DAB1: variants seen among roughly 807,000 people sequenced by gnomAD.
The protein encoded by DAB1 is disabled homolog 1.
A neutral mutation model predicts 64.6 loss-of-function variants in DAB1; 15 were observed. That is an observed-to-expected ratio of 0.23 (90% CI 0.16 to 0.36). The LOEUF is 0.36. DAB1 is among the 10% of genes least tolerant of loss of function. The pLI is 1.00. For missense variants in DAB1, 596 were observed against 706.7 expected (o/e 0.84, Z 1.78); for synonymous variants, 235 against 251.9 (o/e 0.93, Z 0.64).
chr1:57,508,609 T>C (rs1166965110), intron 7 of DAB1, among the ~76,000 whole-genome samples: 2 of 152,120 alleles, frequency 1.3e-5, no homozygotes, highest in Non-Finnish European at 2.9e-5. Context: ...AGTGGAAAAG[T>C]AGCCACAGAC....
intron 6 of DAB1, among the ~76,000 whole-genome samples, chr1:57,724,622 C>G (rs976940071): frequency 1.3e-5 from 2 of 152,150 alleles, no homozygotes; most frequent in African/African-American, 2.4e-5. Context: ...AATTGCACAG[C>G]CTTTGGTCAT....
intron 4 of DAB1, among the ~76,000 whole-genome samples, chr1:58,320,634 G>A (rs1294681858): frequency 6.6e-6 from 1 of 152,316 alleles, no homozygotes; most frequent in Non-Finnish European, 1.5e-5. Context: ...CTGAGAAAAA[G>A]AAACCTGACC....
intron 7 of DAB1, among the ~76,000 whole-genome samples, chr1:57,512,902 G>T (rs964891236): frequency 6.6e-6 from 1 of 152,178 alleles, no homozygotes; most frequent in African/African-American, 2.4e-5. Flanking sequence ...TTCCGTGGAT[G>T]GTGCAAATGG....
At chr1:57,431,047 G>T (rs547823738) in intron 7 of DAB1, among the ~76,000 whole-genome samples, 3 of 150,854 alleles carry the variant, frequency 2.0e-5, no homozygotes, top group Non-Finnish European at 4.4e-5. Context: ...TTAACCCAAG[G>T]TAGCATGTGA....
At chr1:58,288,019 CAAAAAA>C (rs763850453) in intron 4 of DAB1, among the ~76,000 whole-genome samples, 1,489 of 21,672 alleles carry the variant, frequency 0.069, 8 homozygotes, top group East Asian at 0.21. Context: ...AAGACTGCCT[CAAAAAA>C]AAAAAAAAAA....
At chr1:57,619,465 A>C (rs982317009) in intron 7 of DAB1, among the ~76,000 whole-genome samples, 1 of 152,114 alleles carries the variant, frequency 6.6e-6, no homozygotes, top group Non-Finnish European at 1.5e-5. Context: ...CAGTGGTGCA[A>C]TCATAACTCA....
intron 5 of DAB1, among the ~76,000 whole-genome samples, chr1:58,090,844 T>C (rs1650611140): frequency 6.6e-6 from 1 of 152,162 alleles, no homozygotes; most frequent in Non-Finnish European, 1.5e-5. Context: ...ATTTGGTACA[T>C]GTCAAGGAAG....
chr1:57,330,886 G>T (rs1439704728), intron 1 of DAB1, among the ~76,000 whole-genome samples: 1 of 152,072 alleles, frequency 6.6e-6, no homozygotes, highest in Non-Finnish European at 1.5e-5. Context: ...CCCTCTGTCA[G>T]GAATACCCTT....
At chr1:57,787,200 T>C (rs955088094) in intron 6 of DAB1, among the ~76,000 whole-genome samples, 1 of 152,188 alleles carries the variant, frequency 6.6e-6, no homozygotes, top group African/African-American at 2.4e-5. Flanking sequence ...ATATCTAATA[T>C]GGCCAAATCA....
At chr1:57,450,311 A>G (rs952308852) in intron 7 of DAB1, among the ~76,000 whole-genome samples, 4 of 152,356 alleles carry the variant, frequency 2.6e-5, no homozygotes, top group South Asian at 2.1e-4. Context: ...TGTGAATTCA[A>G]GGAATCATGG....
At chr1:58,040,687 A>G (rs1647122152) in intron 5 of DAB1, among the ~76,000 whole-genome samples, 1 of 152,220 alleles carries the variant, frequency 6.6e-6, no homozygotes, top group Non-Finnish European at 1.5e-5. Flanking sequence ...ACATGTCTAA[A>G]TAGAATTAGC....
intron 11 of DAB1, among the ~76,000 whole-genome samples, chr1:57,020,620 A>T (rs1646583048): frequency 6.6e-6 from 1 of 152,210 alleles, no homozygotes; most frequent in Non-Finnish European, 1.5e-5. Flanking sequence ...GAAAAAATAT[A>T]GGTAGAACAG....
chr1:58,125,310 T>C (rs147998804), intron 5 of DAB1, among the ~76,000 whole-genome samples: 7 of 152,322 alleles, frequency 4.6e-5, no homozygotes, highest in African/African-American at 1.2e-4. Context: ...CAGCAAATTT[T>C]ATCTTAGTTT....
At chr1:57,517,606 T>C (rs776050394) in intron 7 of DAB1, among the ~76,000 whole-genome samples, 1 of 152,198 alleles carries the variant, frequency 6.6e-6, no homozygotes, top group East Asian at 1.9e-4. Context: ...CTAAAGCAAA[T>C]TTATCTGAGC....
chr1:57,647,434 G>C (rs1646206455), intron 7 of DAB1, among the ~76,000 whole-genome samples: 1 of 152,120 alleles, frequency 6.6e-6, no homozygotes, highest in Admixed American at 6.5e-5. Context: ...CCTTCTCCAA[G>C]GGTAGGCTTT....
intron 4 of DAB1, among the ~76,000 whole-genome samples, chr1:57,131,996 T>G (rs779280700): frequency 1.3e-5 from 2 of 152,204 alleles, no homozygotes; most frequent in Non-Finnish European, 2.9e-5. Context: ...CCTGAGTGAA[T>G]GCATATATAT....
chr1:57,985,758 G>A (rs983248987), intron 5 of DAB1, among the ~76,000 whole-genome samples: 9 of 152,144 alleles, frequency 5.9e-5, no homozygotes, highest in East Asian at 5.8e-4. Flanking sequence ...ACCTAATAGC[G>A]GAGAAAATAA....
chr1:58,427,035 T>C (rs1267836458), intron 3 of DAB1, among the ~76,000 whole-genome samples: 1 of 152,144 alleles, frequency 6.6e-6, no homozygotes, highest in Non-Finnish European at 1.5e-5. Flanking sequence ...AGGCTCTGAA[T>C]TGAGCACGTG....
intron 3 of DAB1, among the ~76,000 whole-genome samples, chr1:58,435,310 T>G (rs1192360720): frequency 2.6e-5 from 4 of 152,242 alleles, no homozygotes; most frequent in Non-Finnish European, 5.9e-5. Flanking sequence ...ATCTTTCTCC[T>G]GTATACTCAA....
Sources: gnomAD v4.1 joint callset for allele counts (sites outside exome capture counted in the v4.1 genomes callset) on GRCh38, gnomAD v4.1.1 for gene constraint, MANE v1.5 for transcripts, NCBI Gene and HGNC (gene_info 2026-07-23, HGNC 2026-07-21) for gene names.